Variants in SLC6A6 observed in about 807,000 individuals in gnomAD.
SLC6A6 encodes sodium- and chloride-dependent taurine transporter.
A neutral mutation model predicts 68.8 loss-of-function variants in SLC6A6; 16 were observed. The ratio of observed to expected loss-of-function variants is 0.23; its 90% confidence interval spans 0.16 to 0.35. The LOEUF is 0.35. SLC6A6 is among the 10% of genes least tolerant of loss of function. The pLI, the probability that SLC6A6 is intolerant of heterozygous loss-of-function variation, is 1.00. For missense variants in SLC6A6, 474 were observed against 802.8 expected, an observed-to-expected ratio of 0.59 and a Z score of 4.95; for synonymous variants, 312 against 315.4, an observed-to-expected ratio of 0.99 and a Z score of 0.12.
chr3:14,484,835 T>G, intron 14 of SLC6A6, 32 bp from the exon 15 acceptor site: 1 of 1,605,392 alleles, frequency 6.2e-7, no homozygotes, highest in East Asian at 2.2e-5. Flanking sequence ...CCGCCTGACG[T>G]TTCCCCCCTC....
intron 5 of SLC6A6, among the ~76,000 whole-genome samples, chr3:14,456,771 C>T (rs187681073): frequency 6.6e-6 from 1 of 152,266 alleles, no homozygotes; most frequent in Admixed American, 6.5e-5. Context: ...CCCTGCCCCT[C>T]CTGCATGGGA....
chr3:14,484,165 A>G (rs1701080217), intron 14 of SLC6A6, among the ~76,000 whole-genome samples: 1 of 152,176 alleles, frequency 6.6e-6, no homozygotes, highest in Non-Finnish European at 1.5e-5. Flanking sequence ...CAGTTCTGAC[A>G]TGGATTTTCT....
At chr3:14,466,745 TC>T (rs1393405257) in intron 7 of SLC6A6, 95 bp downstream of exon 7, 2 of 1,227,438 alleles carry the variant, frequency 1.6e-6, no homozygotes, top group East Asian at 2.5e-5. Flanking sequence ...CAGCACATCT[TC>T]CGTGGTTCTT....
At position 14,447,646 on chromosome 3, in the gene SLC6A6, C is replaced by G. The variant is rs1700157942; in HGVS notation, c.429C>G (p.Ala143=). Residue 143 remains alanine, a synonymous_variant, in exon 5 of 15, where the codon GCC becomes GCG. Coordinates refer to ENST00000622186, the MANE Select transcript of SLC6A6 (RefSeq NM_003043.6). ...LLNVYYIVIL[A]WATYYLFQSF... ...ATGTCTACTACATCGTCATCCTGGC[C>G]TGGGCCACATACTACCTGTTCCAGT... 6.2e-7 allele frequency: 1 copy of G among 1,614,148 alleles called. No individual in the cohort carries two copies. The highest frequency in any genetic ancestry group is 1.3e-5 in the African/African-American group (1 of 74,952).
At chr3:14,460,735 T>A (rs976614036) in intron 6 of SLC6A6, among the ~76,000 whole-genome samples, 1 of 152,222 alleles carries the variant, frequency 6.6e-6, no homozygotes. Context: ...AACAACCTCC[T>A]TCGTGGGGTG....
Position 14,478,958 on chromosome 3 carries a change from C to T in SLC6A6, c.1451-127C>T, listed in dbSNP as rs1559315102. 7 of 656,916 alleles carry T rather than the reference C, an allele frequency of 1.1e-5. No homozygotes were observed. In the East Asian group the frequency reaches 1.5e-4, roughly 14 times the overall value. 40.7% of individuals were successfully genotyped at this position (656,916 alleles called of 1,614,324 possible). On this transcript the variant is annotated intron_variant, in intron 12 of 14. Coordinates refer to ENST00000622186, the MANE Select transcript of SLC6A6 (RefSeq NM_003043.6). ...TTCATGTAAATGTCTGTTTTTGCCA[C>T]ACTTGTATATCCATGGTGTGGAGAT...
At chr3:14,434,611 C>T (rs1017144797) in intron 2 of SLC6A6, among the ~76,000 whole-genome samples, 4 of 152,200 alleles carry the variant, frequency 2.6e-5, no homozygotes, top group Non-Finnish European at 5.9e-5. Flanking sequence ...CTGCATGACC[C>T]AGCTTTCTGA....
At position 14,480,737 on chromosome 3, in the gene SLC6A6, C is replaced by T. The variant is rs571597423; in HGVS notation, c.1552-934C>T. On this transcript the variant is annotated intron_variant, in intron 13 of 14. Coordinates refer to ENST00000622186, the MANE Select transcript of SLC6A6 (RefSeq NM_003043.6). The stretch of plus-strand genomic sequence containing the variant: ...CACATTATGGAACAATCAGAGGCCA[C>T]CCTGGGCCCTCCTCAGAGATGCTGT... Among the ~76,000 whole-genome samples, 4 of 152,342 alleles carry T rather than the reference C, an allele frequency of 2.6e-5. No homozygotes were observed. The East Asian group carries it at 5.8e-4, about 22-fold the overall frequency.
chr3:14,451,028 T>C (rs915494142), intron 5 of SLC6A6, among the ~76,000 whole-genome samples: 3 of 152,334 alleles, frequency 2.0e-5, no homozygotes, highest in African/African-American at 7.2e-5. Context: ...CCATGCACTG[T>C]CACCCCCATG....
chr3:14,480,361 C>T (rs1700979484), intron 13 of SLC6A6, among the ~76,000 whole-genome samples: 1 of 152,218 alleles, frequency 6.6e-6, no homozygotes, highest in Non-Finnish European at 1.5e-5. Context: ...CACTCTGACC[C>T]TCAGTTTCCT....
At chr3:14,483,835 C>A (rs1269308475) in intron 14 of SLC6A6, among the ~76,000 whole-genome samples, 1 of 152,144 alleles carries the variant, frequency 6.6e-6, no homozygotes, top group Non-Finnish European at 1.5e-5. Flanking sequence ...GCACGTACCA[C>A]CATGCCTGGC....
rs1438544876 is a variant in SLC6A6 at position 14,402,803 on chromosome 3, C to G, written c.-98C>G. The G allele has an allele frequency of 2.5e-6, 1 of 397,796 alleles. No individual in the cohort carries two copies. Among genetic ancestry groups the G allele is most frequent in the Non-Finnish European group, 4.4e-6 (1 of 225,570 alleles). 24.6% of individuals were successfully genotyped at this position (397,796 alleles called of 1,614,324 possible). On this transcript the variant is annotated 5_prime_UTR_variant, in exon 1 of 15. Coordinates refer to ENST00000622186, the MANE Select transcript of SLC6A6 (RefSeq NM_003043.6). This position sits in a 1 kb window ranked among gnomAD's most constrained non-coding sequence, Gnocchi z 4.8. ...GCAGGCAGCCCCCGGCCGGCGGAAC[C>G]CGGCACAGCCGAGCAGAGCGCGGGC...
In SLC6A6 at chr3:14,402,667, G is replaced by A. The variant is rs1699009858; in HGVS notation, c.-234G>A. ...AGGAAGAAGCCGCTTATAAATTACC[G>A]CTTCCTTCGCGCCGCCGCCAACGCC... On this transcript the variant is annotated 5_prime_UTR_variant, in exon 1 of 15. Coordinates refer to ENST00000622186, the MANE Select transcript of SLC6A6 (RefSeq NM_003043.6). This position sits in a 1 kb window ranked among gnomAD's most constrained non-coding sequence, Gnocchi z 4.8. The A allele has an allele frequency of 5.0e-6, 2 of 398,126 alleles. No individual in the cohort carries two copies. 24.7% of individuals were successfully genotyped at this position (398,126 alleles called of 1,614,324 possible). A position where few individuals can be genotyped will look rare whatever the true frequency, so the allele number is the denominator to read the frequency against.
At chr3:14,465,571 A>G (rs531359075) in intron 6 of SLC6A6, among the ~76,000 whole-genome samples, 3 of 152,314 alleles carry the variant, frequency 2.0e-5, no homozygotes, top group Admixed American at 6.5e-5. Context: ...AGGGGCTTCT[A>G]TTACTCTTAT....
At position 14,443,655 on chromosome 3, in the gene SLC6A6, G is replaced by T. The variant is rs1418955823; in HGVS notation, c.21G>T (p.Leu7=). The part of the protein sequence containing the change: MATKEK[L]QCLKDFHKDI... ...AGGAGATGGCCACCAAGGAGAAGCT[G>T]CAGTGTCTGAAAGATTTCCACAAGG... The change falls in exon 3 of 15, where the codon CTG becomes CTT. Residue 7 remains leucine, a synonymous_variant. Transcript: ENST00000622186. 2 of 1,612,440 alleles carry T rather than the reference G, an allele frequency of 1.2e-6. No individual in the cohort carries two copies. Among genetic ancestry groups the T allele is most frequent in the Non-Finnish European group, 1.7e-6 (2 of 1,178,566 alleles).
At chr3:14,426,326 T>A (rs1574919281) in intron 2 of SLC6A6, among the ~76,000 whole-genome samples, 1 of 151,054 alleles carries the variant, frequency 6.6e-6, no homozygotes, top group Non-Finnish European at 1.5e-5. Flanking sequence ...TTGGGGTAAG[T>A]CCCCCCCCAG....
At position 14,445,706 on chromosome 3, in the gene SLC6A6, G is replaced by A. The variant is rs574509106; in HGVS notation, c.230-11G>A. 1 of 1,614,064 alleles carries A rather than the reference G, an allele frequency of 6.2e-7. No individual in the cohort carries two copies. Among genetic ancestry groups the A allele is most frequent in the East Asian group, 2.2e-5 (1 of 44,874 alleles). ...CCACAGCCTCACTTTTGCCCATTCT[G>A]CTCTCTGCAGGTGCGTTTCTCATAC... is the stretch of plus-strand genomic sequence containing the variant. On this transcript the variant is annotated splice_polypyrimidine_tract_variant and intron_variant, in intron 3 of 14. Coordinates refer to ENST00000622186, the MANE Select transcript of SLC6A6 (RefSeq NM_003043.6).
rs1559278931 is a variant in SLC6A6, at chr3:14,402,632, A to T, written c.-269A>T. On this transcript the variant is annotated 5_prime_UTR_variant, in exon 1 of 15. Coordinates refer to ENST00000622186, the MANE Select transcript of SLC6A6 (RefSeq NM_003043.6). This position sits in a 1 kb window ranked among gnomAD's most constrained non-coding sequence, Gnocchi z 4.8. ...AGAGCTGCCTGCTCAGACAACAGAC[A>T]CGCGAGGTCAGGAAGAAGCCGCTTA... 1 of 397,780 alleles carries T rather than the reference A, an allele frequency of 2.5e-6. No homozygotes were observed. Among genetic ancestry groups the T allele is most frequent in the Non-Finnish European group, 4.4e-6 (1 of 225,622 alleles). The allele number at this position is 397,780 out of a possible 1,614,324, so 24.6% of individuals were successfully genotyped here.
intron 2 of SLC6A6, among the ~76,000 whole-genome samples, chr3:14,430,343 T>A (rs73815277): frequency 0.024 from 3,569 of 150,290 alleles, 118 homozygotes; most frequent in African/African-American, 0.08. Flanking sequence ...CTCCAAGGAG[T>A]TTCCAATGGT....
Sources: gnomAD v4.1 joint callset for allele counts (sites outside exome capture counted in the v4.1 genomes callset) on GRCh38, gnomAD v4.1.1 for gene constraint, Gnocchi (gnomAD v3.1) non-coding constraint, MANE v1.5 for transcripts, NCBI Gene and HGNC (gene_info 2026-07-23, HGNC 2026-07-21) for gene names.